Variants in FAAH2 observed in about 807,000 individuals in gnomAD.
The protein encoded by FAAH2 is fatty acid amide hydrolase 2.
In FAAH2, 60 loss-of-function variants were observed where a neutral mutation model predicts 36.9. The observed-to-expected ratio is 1.63, with a 90% CI of 1.32 to 2.02. The LOEUF (loss-of-function observed/expected upper bound fraction) is 2.02. FAAH2 is among the 30% of genes most tolerant of loss of function. The pLI is 0.00. For synonymous variants in FAAH2, 214 were observed against 143.8 expected (o/e 1.49, Z -3.49); for missense variants, 689 against 397.5 (o/e 1.73, Z -6.23).
intron 2 of FAAH2, among the ~76,000 whole-genome samples, chrX:57,300,138 C>T (rs1039328921): frequency 2.4e-4 from 27 of 111,202 alleles, no homozygotes; most frequent in Middle Eastern, 4.6e-3. Context: ...AAAAAGAGCC[C>T]GCATTGCCAA....
At chrX:57,203,491 C>T in the FAAH2 span, among the ~76,000 whole-genome samples, 5 of 111,809 alleles carry the variant, frequency 4.5e-5, no homozygotes, top group East Asian at 1.4e-3. Flanking sequence ...AGTTTTGAGG[C>T]CAGTTTATGG....
intron 10 of FAAH2, among the ~76,000 whole-genome samples, chrX:57,458,491 C>CAA (rs920457327): frequency 9.4e-6 from 1 of 106,683 alleles, no homozygotes; most frequent in Non-Finnish European, 2.0e-5. Context: ...AGACTCCATC[C>CAA]AAAAAAAAAC....
At chrX:57,279,986 G>T in the FAAH2 span, among the ~76,000 whole-genome samples, 2 of 111,819 alleles carry the variant, frequency 1.8e-5, no homozygotes, top group African/African-American at 3.2e-5. Context: ...GGGAGTTCTA[G>T]CTAGGTCAAT....
At chrX:57,322,242 G>A (rs1053226908) in intron 3 of FAAH2, among the ~76,000 whole-genome samples, 1 of 111,286 alleles carries the variant, frequency 9.0e-6, no homozygotes, top group African/African-American at 3.3e-5. Context: ...CGCGCTCCTC[G>A]GCCTCCCAAA....
chrX:57,462,592 T>C (rs2056980060), intron 10 of FAAH2, among the ~76,000 whole-genome samples: 1 of 112,400 alleles, frequency 8.9e-6, no homozygotes, highest in African/African-American at 3.2e-5. Flanking sequence ...GAAAAAGCCT[T>C]CAATAAAATT....
Position 57,310,636 on chromosome X carries a change from C to T in FAAH2, c.319C>T (p.Leu107Phe), listed in dbSNP as rs752816700. ...GGAGGCTCATGCTGTAGATCAAAAG[C>T]TTGCAGAGAAGCAGGAAGATGAAGC... is the stretch of plus-strand genomic sequence containing the variant. ...MKEAHAVDQK[L>F]AEKQEDEATL... Residue 107 changes from leucine (L) to phenylalanine (F), a missense_variant, in exon 3 of 11, where the codon CTT becomes TTT. Transcript: ENST00000374900. 1 of 1,207,618 alleles carries T rather than the reference C, an allele frequency of 8.3e-7. No homozygotes were observed. The highest frequency in any genetic ancestry group is 3.0e-5 in the East Asian group (1 of 33,683).
intron 5 of FAAH2, among the ~76,000 whole-genome samples, chrX:57,352,495 C>T (rs926460400): frequency 9.1e-6 from 1 of 110,035 alleles, no homozygotes; most frequent in Non-Finnish European, 1.9e-5. Context: ...TGACAACCCA[C>T]CAGGTAACAT....
intron 5 of FAAH2, among the ~76,000 whole-genome samples, chrX:57,376,773 A>C (rs2054691557): frequency 8.9e-6 from 1 of 112,157 alleles, no homozygotes; most frequent in Non-Finnish European, 1.9e-5. Context: ...TCCAACCAAC[A>C]ATGTAAAAAG....
chrX:57,199,950 A>AT, the FAAH2 span, among the ~76,000 whole-genome samples: 16 of 111,034 alleles, frequency 1.4e-4, no homozygotes, highest in East Asian at 2.8e-3. Context: ...TACGTTTTTA[A>AT]TTTTTTTATT....
chrX:57,198,559 A>C, the FAAH2 span, among the ~76,000 whole-genome samples: 1 of 112,511 alleles, frequency 8.9e-6, no homozygotes, highest in Non-Finnish European at 1.9e-5. Flanking sequence ...CATGACCTCT[A>C]TGCTCATATC....
At chrX:57,268,196 A>G in the FAAH2 span, among the ~76,000 whole-genome samples, 10 of 112,364 alleles carry the variant, frequency 8.9e-5, no homozygotes, top group South Asian at 1.5e-3. Context: ...TAAAAATTTC[A>G]TAATGCAATC....
intron 4 of FAAH2, among the ~76,000 whole-genome samples, chrX:57,335,715 G>T (rs1369605295): frequency 2.7e-5 from 3 of 111,637 alleles, no homozygotes; most frequent in Non-Finnish European, 5.7e-5. Flanking sequence ...CGGGTGTTGG[G>T]CTGGGGGACA....
chrX:57,384,373 C>A, intron 7 of FAAH2, among the ~76,000 whole-genome samples: 1 of 103,539 alleles, frequency 9.7e-6, no homozygotes, highest in Non-Finnish European at 2.0e-5. Context: ...AAACTACCAT[C>A]AGAGTGAACA....
Position 57,488,787 on chromosome X carries a change from C to T in FAAH2, c.1454C>T (p.Thr485Ile). The T allele has an allele frequency of 8.3e-7, 1 of 1,210,592 alleles. No homozygotes were observed. The highest frequency in any genetic ancestry group is 1.8e-5 in the South Asian group (1 of 56,731). Reference protein sequence around the residue: ...GVFSALGLPVTQCPLGLNAKG... With the variant: ...GVFSALGLPVIQCPLGLNAKG... Reference sequence around the variant, plus strand: ...TTCAGTGCCCTGGGTTTGCCTGTGACCCAATGCCCACTGGGACTGAATGCC... The same window carrying T: ...TTCAGTGCCCTGGGTTTGCCTGTGATCCAATGCCCACTGGGACTGAATGCC... The change falls in exon 11 of 11, where the codon ACC (threonine) becomes ATC (isoleucine). Residue 485 changes from threonine to isoleucine, a missense_variant. Thr to Ile is a moderately conservative substitution (Grantham distance 89). Transcript: ENST00000374900.
At chrX:57,443,484 C>T (rs933565602) in intron 8 of FAAH2, among the ~76,000 whole-genome samples, 18 of 112,062 alleles carry the variant, frequency 1.6e-4, no homozygotes, top group African/African-American at 5.2e-4. Flanking sequence ...CTTATCTACA[C>T]CTGTTATTCT....
At chrX:57,340,144 G>C (rs1414195998) in intron 4 of FAAH2, among the ~76,000 whole-genome samples, 1 of 111,817 alleles carries the variant, frequency 8.9e-6, no homozygotes, top group South Asian at 3.8e-4. Flanking sequence ...GTGTGAGTCC[G>C]AGCGTCCAAA....
the FAAH2 span, among the ~76,000 whole-genome samples, chrX:57,259,690 C>T: frequency 1.8e-5 from 2 of 111,607 alleles, no homozygotes; most frequent in Non-Finnish European, 1.9e-5. Flanking sequence ...TTATCTCATT[C>T]CCCCCATATA....
intron 7 of FAAH2, among the ~76,000 whole-genome samples, chrX:57,431,355 T>C (rs771147836): frequency 9.0e-6 from 1 of 111,665 alleles, no homozygotes; most frequent in African/African-American, 3.2e-5. Context: ...GCATGTAATC[T>C]CTTGCTCACA....
chrX:57,429,994 A>T (rs1032378436), intron 7 of FAAH2, among the ~76,000 whole-genome samples: 1 of 111,281 alleles, frequency 9.0e-6, no homozygotes, highest in Non-Finnish European at 1.9e-5. Context: ...ATAGAACTGG[A>T]CATAAGGAGT....
Sources: allele counts gnomAD v4.1 joint callset (sites outside exome capture counted in the v4.1 genomes callset), GRCh38; gene constraint gnomAD v4.1.1; transcripts MANE v1.5; gene names NCBI Gene and HGNC (gene_info 2026-07-23, HGNC 2026-07-21).